The following NFXL1 variants were observed in gnomAD, a reference collection of about 807,000 sequenced individuals.
NFXL1 encodes the protein nuclear transcription factor, X-box binding like 1, also known as NF-X1-type zinc finger protein NFXL1.
In NFXL1, 66 loss-of-function variants were observed where a neutral mutation model predicts 123.3. That is an observed-to-expected ratio of 0.54 (90% CI 0.44 to 0.66). The LOEUF (loss-of-function observed/expected upper bound fraction) is 0.66, where lower values mean the gene tolerates loss of function less well. Among genes scored for constraint, NFXL1 ranks in the 30% least tolerant of loss-of-function variants. The probability of loss-of-function intolerance (pLI) is 0.00; values close to 1 mark genes in which losing one functional copy is unlikely to be tolerated. For synonymous variants in NFXL1, 346 were observed against 360.8 expected (o/e 0.96, Z 0.46); for missense variants, 944 against 1,125.6 (o/e 0.84, Z 2.31).
In NFXL1 at chr4:47,890,600, T is replaced by C; in HGVS notation, c.1543+13A>G. On this transcript the variant is annotated intron_variant, in intron 12 of 22. Coordinates refer to ENST00000507489, the MANE Select transcript of NFXL1 (RefSeq NM_001278624.2). ...ACTACAAACATAAAATCATAGCTATTATTAAAGTTTACCTCTGTGACAGAC... is the reference window on the plus strand; with the variant it reads ...ACTACAAACATAAAATCATAGCTATCATTAAAGTTTACCTCTGTGACAGAC... The C allele has an allele frequency of 7.2e-7, 1 of 1,390,074 alleles. No individual in the cohort carries two copies. The highest frequency in any genetic ancestry group is 1.2e-5 in the South Asian group (1 of 84,472). 86.1% of individuals were successfully genotyped at this position (1,390,074 alleles called of 1,614,324 possible).
chr4:47,877,268 A>AC (rs759143889), intron 17 of NFXL1: 5 of 429,118 alleles, frequency 1.2e-5, no homozygotes, highest in African/African-American at 2.0e-5. Flanking sequence ...CTGAATCTAC[A>AC]CTTACTAAAT....
intron 3 of NFXL1, among the ~76,000 whole-genome samples, chr4:47,909,478 T>C (rs541881750): frequency 1.3e-5 from 2 of 152,166 alleles, no homozygotes; most frequent in African/African-American, 2.4e-5. Context: ...CTCTCCTCTG[T>C]AGAATTGTTT....
intron 20 of NFXL1, chr4:47,852,171 TTAA>T: frequency 2.3e-6 from 1 of 438,510 alleles, no homozygotes; most frequent in Non-Finnish European, 4.0e-6. Flanking sequence ...AAAAATCAAC[TTAA>T]TAATTACTAT....
chr4:47,893,646 T>C (rs936723630), intron 11 of NFXL1, among the ~76,000 whole-genome samples: 8 of 151,852 alleles, frequency 5.3e-5, no homozygotes, highest in East Asian at 3.9e-4. Flanking sequence ...ACATACAAAG[T>C]TGAAAGAATT....
chr4:47,903,105 A>G (rs1031831218), intron 5 of NFXL1, 88 bp downstream of exon 5: 2 of 832,898 alleles, frequency 2.4e-6, no homozygotes, highest in Non-Finnish European at 3.5e-6. Flanking sequence ...CAGTGAGCCA[A>G]GATCGCCACT....
chr4:47,905,282 A>T lies in NFXL1; in HGVS notation c.471T>A (p.Ala157=). 1.9e-6 allele frequency: 3 copies of T among 1,600,294 alleles called. No individual in the cohort carries two copies. Among genetic ancestry groups the T allele is most frequent in the Non-Finnish European group, 2.6e-6 (3 of 1,168,522 alleles). ...QYVNEAFQAG[A]MTCLICIASV... Reference sequence around the variant, plus strand: ...AAGCAATACAAATTAGGCATGTCATAGCCCCTGCTTGAAAAGCTTCATTTA... The same window carrying T: ...AAGCAATACAAATTAGGCATGTCATTGCCCCTGCTTGAAAAGCTTCATTTA... Residue 157 remains alanine (A), a synonymous_variant, in exon 4 of 23, where the codon GCT becomes GCA. Transcript: ENST00000507489.
chr4:47,906,757 T>C (rs550164334), intron 3 of NFXL1, among the ~76,000 whole-genome samples: 2 of 152,336 alleles, frequency 1.3e-5, no homozygotes, highest in South Asian at 2.1e-4. Context: ...ACCAACCTTA[T>C]ATTTTAAAAA....
chr4:47,896,832 G>A (rs1464690167), intron 9 of NFXL1, 185 bp from the exon 10 acceptor site: 10 of 510,526 alleles, frequency 2.0e-5, no homozygotes. Context: ...GAAGTTTATG[G>A]TTTTTAAAAA....
intron 18 of NFXL1, among the ~76,000 whole-genome samples, chr4:47,870,763 A>C (rs1294680754): frequency 6.6e-6 from 1 of 152,206 alleles, no homozygotes; most frequent in Non-Finnish European, 1.5e-5. Flanking sequence ...AGGCCCTTAG[A>C]GAAATGTCTA....
chr4:47,913,942 G>A (rs1221491033), intron 2 of NFXL1, 27 bp downstream of exon 2: 16 of 1,509,088 alleles, frequency 1.1e-5, no homozygotes, highest in Non-Finnish European at 1.4e-5. Context: ...GCATCCAGGT[G>A]AGCACGCGGG....
intron 5 of NFXL1, 105 bp downstream of exon 5, chr4:47,903,088 G>T: frequency 1.7e-6 from 1 of 589,976 alleles, no homozygotes; most frequent in Non-Finnish European, 2.8e-6. Flanking sequence ...CCAGGAGGTG[G>T]AGGTTGCAGT....
chr4:47,893,763 A>C (rs1162091074), intron 11 of NFXL1, among the ~76,000 whole-genome samples: 1 of 152,150 alleles, frequency 6.6e-6, no homozygotes, highest in Non-Finnish European at 1.5e-5. Flanking sequence ...AAAGCACCTA[A>C]GTAAGTATGA....
chr4:47,885,259 A>G (rs955236071), intron 14 of NFXL1, among the ~76,000 whole-genome samples: 1 of 152,182 alleles, frequency 6.6e-6, no homozygotes, highest in Non-Finnish European at 1.5e-5. Context: ...GGACTGCCAA[A>G]TTCACCTGTA....
intron 19 of NFXL1, among the ~76,000 whole-genome samples, chr4:47,860,255 T>TA (rs1278478679): frequency 1.3e-5 from 2 of 151,952 alleles, no homozygotes; most frequent in African/African-American, 2.4e-5. Flanking sequence ...TTTGAACATT[T>TA]AAAAAAAATA....
chr4:47,865,275 C>T (rs566942767), intron 18 of NFXL1, among the ~76,000 whole-genome samples: 2 of 151,598 alleles, frequency 1.3e-5, no homozygotes, highest in Non-Finnish European at 2.9e-5. Flanking sequence ...AGAACTGAAG[C>T]GATAGAATTC....
chr4:47,900,900 T>A (rs1376393311), intron 5 of NFXL1, among the ~76,000 whole-genome samples: 2 of 152,232 alleles, frequency 1.3e-5, no homozygotes, highest in African/African-American at 4.8e-5. Context: ...TTCATCTGTC[T>A]GTGGAATAAG....
chr4:47,871,928 T>G (rs1370956640), intron 18 of NFXL1, among the ~76,000 whole-genome samples: 1 of 152,174 alleles, frequency 6.6e-6, no homozygotes, highest in Admixed American at 6.5e-5. Context: ...GAAAATATAT[T>G]TACAAAAAGC....
Position 47,899,412 on chromosome 4 carries a change from T to C in NFXL1, c.784A>G (p.Lys262Glu). The C allele has an allele frequency of 1.2e-6, 2 of 1,613,990 alleles. No individual in the cohort carries two copies. The highest frequency in any genetic ancestry group is 1.7e-6 in the Non-Finnish European group (2 of 1,179,906). Residue 262 changes from lysine (K) to glutamate (E), a missense_variant, in exon 6 of 23, where the codon AAA (lysine) becomes GAA (glutamate). Transcript: ENST00000507489. ...AAACATTTATGGCCACAAGGAGGTT[T>C]AAATTCACGCTCACATACTTGGCCA... ...SCGQVCEREF[K>E]PPCGHKCLLL...
chr4:47,848,276 C>G lies in NFXL1; in HGVS notation c.2623G>C (p.Asp875His). The change falls in exon 23 of 23, where the codon GAT becomes CAT. Residue 875 changes from aspartate (D) to histidine (H), a missense_variant. By Grantham distance (81) the Asp-to-His change is moderately conservative (BLOSUM62 -1). Around this residue, in one of 4 missense-constraint regions of NFXL1, gnomAD observed 301 missense variants for 348.0 expected, o/e 0.86. Transcript: ENST00000507489. ...KGRRKKNRKR[D>H]EVAVELSLWQ... ...AGTGATAGCTCAACTGCCACTTCATCTCTTTTCCTGTTCTTCTTCCGACGA... is the reference window on the plus strand; with the variant it reads ...AGTGATAGCTCAACTGCCACTTCATGTCTTTTCCTGTTCTTCTTCCGACGA... The G allele has an allele frequency of 6.2e-7, 1 of 1,612,828 alleles. No homozygotes were observed. The highest frequency in any genetic ancestry group is 8.5e-7 in the Non-Finnish European group (1 of 1,179,128).
Sources: gnomAD v4.1 joint callset for allele counts (sites outside exome capture counted in the v4.1 genomes callset) on GRCh38, gnomAD v4.1.1 for gene constraint, gnomAD v4.1.1 regional missense constraint, MANE v1.5 for transcripts, NCBI Gene and HGNC (gene_info 2026-07-23, HGNC 2026-07-21) for gene names.